CDSN: variants seen among roughly 807,000 people sequenced by gnomAD.
CDSN encodes corneodesmosin.
A neutral mutation model predicts 25.6 loss-of-function variants in CDSN; 11 were observed. That is an observed-to-expected ratio of 0.43 (90% CI 0.27 to 0.71). The LOEUF is 0.71. Ranked by LOEUF, CDSN falls within the 30% of genes least tolerant of loss-of-function variation. The pLI, the probability that CDSN is intolerant of heterozygous loss-of-function variation, is 0.20. For synonymous variants in CDSN, 266 were observed against 267.4 expected (o/e 0.99, Z 0.05); for missense variants, 598 against 670.9 (o/e 0.89, Z 1.20).
At chr6:31,118,150 A>G (rs1426957171) in intron 1 of CDSN, 1 of 153,536 alleles carries the variant, frequency 6.5e-6, no homozygotes, top group African/African-American at 2.4e-5. Flanking sequence ...TGAGAAGTGG[A>G]GACACATATA....
chr6:31,119,464 G>A (rs1189071048), intron 1 of CDSN, among the ~76,000 whole-genome samples: 1 of 152,178 alleles, frequency 6.6e-6, no homozygotes, highest in African/African-American at 2.4e-5. Flanking sequence ...GGGGTTGCCC[G>A]GCCTGGGGTT....
chr6:31,117,681 T>C, intron 1 of CDSN, 152 bp from the exon 2 acceptor site: 1 of 700,544 alleles, frequency 1.4e-6, no homozygotes, highest in Non-Finnish European at 2.5e-6. Context: ...AACTGGCTAT[T>C]GTCTCTAAAG....
chr6:31,116,205 G>A lies in CDSN; in HGVS notation c.1410C>T (p.Gly470=). 6.2e-7 allele frequency: 1 copy of A among 1,613,738 alleles called. No individual in the cohort carries two copies. The highest frequency in any genetic ancestry group is 8.5e-7 in the Non-Finnish European group (1 of 1,179,784). ...MSVSSLTLTG[G]PDGSPHPDPS... ...GATCAGGATGGGGAGAGCCATCGGG[G>A]CCCCCAGTCAGTGTCAAGGAGGAGA... The change falls in exon 2 of 2, where the codon GGC becomes GGT. Residue 470 remains glycine, a synonymous_variant. Transcript: ENST00000376288.
chr6:31,117,349 C>A lies in CDSN; in HGVS notation c.266G>T (p.Ser89Ile), dbSNP rs1343247065. ...AATGCTGGATCCGCTGGAGCTACCA[C>A]TGGAGCCACCACCAGAGCTTCTGGC... Reference protein sequence around the residue: ...SSARSSGGGSSGSSSGSSIAQ... With the variant: ...SSARSSGGGSIGSSSGSSIAQ... The change falls in exon 2 of 2, where the codon AGT (serine) becomes ATT (isoleucine). Residue 89 changes from serine (S) to isoleucine (I), a missense_variant. By Grantham distance (142) the Ser-to-Ile change is moderately radical (BLOSUM62 -2). Transcript: ENST00000376288. 6.3e-7 allele frequency: 1 copy of A among 1,578,504 alleles called. No individual in the cohort carries two copies. The highest frequency in any genetic ancestry group is 8.6e-7 in the Non-Finnish European group (1 of 1,161,858).
chr6:31,117,202 C>T lies in CDSN; in HGVS notation c.413G>A (p.Ser138Asn). ...AGAGCCGCTGTTTCCCGAGTGAGAG[C>T]TGCTGCTCCCCAGCTGGGAGGAACC... is the stretch of plus-strand genomic sequence containing the variant. Reference protein sequence around the residue: ...ASGSSQLGSSSSHSGNSGSHS... With the variant: ...ASGSSQLGSSNSHSGNSGSHS... The change falls in exon 2 of 2, where the codon AGC becomes AAC. Residue 138 changes from serine to asparagine, a missense_variant. Coordinates refer to ENST00000376288, the MANE Select transcript of CDSN (RefSeq NM_001264.5). 6.2e-7 allele frequency: 1 copy of T among 1,614,038 alleles called. No individual in the cohort carries two copies. The highest frequency in any genetic ancestry group is 8.5e-7 in the Non-Finnish European group (1 of 1,179,944).
chr6:31,118,027 G>C lies in CDSN; in HGVS notation c.86-498C>G, dbSNP rs189638635. On this transcript the variant is annotated intron_variant, in intron 1 of 1. Transcript: ENST00000376288. ...AAAGAAAGGACCCTGAAGAGACAGA[G>C]AATTGGGGAAACTGAGGCTCTGAGG... 396 of 162,602 alleles carry C rather than the reference G, an allele frequency of 2.4e-3. 3 individuals carry two copies. The highest frequency in any genetic ancestry group is 6.0e-3 in the East Asian group (34 of 5,624). 10.1% of individuals were successfully genotyped at this position (162,602 alleles called of 1,614,324 possible). A position where few individuals can be genotyped will look rare whatever the true frequency, so the allele number is the denominator to read the frequency against.
chr6:31,117,374 C>T lies in CDSN; in HGVS notation c.241G>A (p.Ala81Thr). The T allele has an allele frequency of 1.3e-6, 2 of 1,573,938 alleles. No homozygotes were observed. Among genetic ancestry groups the T allele is most frequent in the African/African-American group, 2.7e-5 (2 of 74,154 alleles). Residue 81 changes from alanine to threonine, a missense_variant, in exon 2 of 2, where the codon GCC becomes ACC. Ala to Thr is a moderately conservative substitution (Grantham distance 58). Transcript: ENST00000376288. The part of the protein sequence containing the change: ...SSSSGSSISS[A>T]RSSGGGSSGS... ...CTGGAGCCACCACCAGAGCTTCTGGCACTGGAAATGGAGCTGCCAGAACTG... is the reference window on the plus strand; with the variant it reads ...CTGGAGCCACCACCAGAGCTTCTGGTACTGGAAATGGAGCTGCCAGAACTG...
At chr6:31,118,989 C>T (rs954013118) in intron 1 of CDSN, among the ~76,000 whole-genome samples, 1 of 151,576 alleles carries the variant, frequency 6.6e-6, no homozygotes, top group Non-Finnish European at 1.5e-5. Context: ...ACCACAGGTG[C>T]CCGCCACCAC....
rs769348239 is a variant in CDSN at position 31,116,378 on chromosome 6, G to A, written c.1237C>T (p.His413Tyr). ...CTCTGGGAAGCACTGCCGCAGGGAT[G>A]GTAGGGTAAACCGGAGCTGCTGGAA... ...SISSSSGLPY[H>Y]PCGSASQSPC... is the part of the protein sequence containing the mutation. Residue 413 changes from histidine to tyrosine, a missense_variant, in exon 2 of 2, where the codon CAT (histidine) becomes TAT (tyrosine). By Grantham distance (83) the His-to-Tyr change is moderately conservative. Transcript: ENST00000376288. 1 of 1,608,326 alleles carries A rather than the reference G, an allele frequency of 6.2e-7. No individual in the cohort carries two copies. The highest frequency in any genetic ancestry group is 1.1e-5 in the South Asian group (1 of 90,400).
rs1325211965 is a variant in CDSN, at chr6:31,116,044, T to A, written c.1571A>T (p.Glu524Val). The change falls in exon 2 of 2, where the codon GAG becomes GTG. Residue 524 changes from glutamate (E) to valine (V), a missense_variant. Coordinates refer to ENST00000376288, the MANE Select transcript of CDSN (RefSeq NM_001264.5). ...GACTTCTTATGGACTGTTGAGTAAC[T>A]CTCCTTGGGGTAGGAAAACTTCAGG... ...ADPEVFLPQGELLNSP is the reference protein window; with the variant it reads ...ADPEVFLPQGVLLNSP 6.2e-7 allele frequency: 1 copy of A among 1,611,708 alleles called. No homozygotes were observed. The highest frequency in any genetic ancestry group is 8.5e-7 in the Non-Finnish European group (1 of 1,179,808).
chr6:31,118,676 C>T (rs1178294725), intron 1 of CDSN: 1 of 152,272 alleles, frequency 6.6e-6, no homozygotes, highest in African/African-American at 2.4e-5. Context: ...TCCCTAGCCC[C>T]TCCAGGTCCC....
chr6:31,115,393 T>G lies in CDSN; in HGVS notation c.*632A>C. Reference sequence around the variant, plus strand: ...GGAATCATCTGAGCACTGAGGGAAGTGGCCACAGGAAGGGGCTGAGATAAG... The same window carrying G: ...GGAATCATCTGAGCACTGAGGGAAGGGGCCACAGGAAGGGGCTGAGATAAG... On this transcript the variant is annotated 3_prime_UTR_variant, in exon 2 of 2. Coordinates refer to ENST00000376288, the MANE Select transcript of CDSN (RefSeq NM_001264.5). The surrounding 1 kb of genome is among the most constrained non-coding windows in gnomAD (Gnocchi z 4.2). The G allele has an allele frequency of 5.8e-6, 1 of 171,168 alleles. No homozygotes were observed. The highest frequency in any genetic ancestry group is 1.3e-5 in the Non-Finnish European group (1 of 79,070). 10.6% of individuals were successfully genotyped at this position (171,168 alleles called of 1,614,324 possible).
rs1772049650 is a variant in CDSN, at chr6:31,115,331, C to T, written c.*694G>A. ...TCCAGGGACAGCAGGGAGCCTGCTT[C>T]AACCTCTGAGGGTGCCCCAGTGTCT... On this transcript the variant is annotated 3_prime_UTR_variant, in exon 2 of 2. Coordinates refer to ENST00000376288, the MANE Select transcript of CDSN (RefSeq NM_001264.5). The surrounding 1 kb of genome is among the most constrained non-coding windows in gnomAD (Gnocchi z 4.2). 3 of 178,890 alleles carry T rather than the reference C, an allele frequency of 1.7e-5. No homozygotes were observed. The highest frequency in any genetic ancestry group is 4.8e-5 in the African/African-American group (2 of 41,846). 11.1% of individuals were successfully genotyped at this position (178,890 alleles called of 1,614,324 possible). A position where few individuals can be genotyped will look rare whatever the true frequency, so the allele number is the denominator to read the frequency against.
At position 31,116,969 on chromosome 6, in the gene CDSN, G is replaced by T. The variant is rs749498091; in HGVS notation, c.646C>A (p.Arg216Ser). ...SSGQSVSSNQRPCSSDIPDSP... is the reference protein window; with the variant it reads ...SSGQSVSSNQSPCSSDIPDSP... ...TCGGGGATGTCCGAACTACAGGGAC[G>T]CTGGTTGGAGCTGACGCTTTGGCCA... is the stretch of plus-strand genomic sequence containing the variant. The change falls in exon 2 of 2, where the codon CGT becomes AGT. Residue 216 changes from arginine to serine, a missense_variant. Arg to Ser is a moderately radical substitution (Grantham distance 110). Transcript: ENST00000376288. The T allele has an allele frequency of 6.2e-7, 1 of 1,614,198 alleles. No individual in the cohort carries two copies. Among genetic ancestry groups the T allele is most frequent in the Admixed American group, 1.7e-5 (1 of 60,030 alleles).
Position 31,116,804 on chromosome 6 carries a change from G to A in CDSN, c.811C>T (p.Pro271Ser). The change falls in exon 2 of 2, where the codon CCC becomes TCC. Residue 271 changes from proline to serine, a missense_variant. Pro to Ser is a moderately conservative substitution (Grantham distance 74). Coordinates refer to ENST00000376288, the MANE Select transcript of CDSN (RefSeq NM_001264.5). ...GGAAGGCCACCATTGCTACAGGGGG[G>A]ACCTTGAACCACTCCAGGGGCACCA... is the stretch of plus-strand genomic sequence containing the variant. Reference protein sequence around the residue: ...GSGAPGVVQGPPCSNGGLPGK... With the variant: ...GSGAPGVVQGSPCSNGGLPGK... The A allele has an allele frequency of 1.9e-6, 3 of 1,613,878 alleles. No homozygotes were observed. Among genetic ancestry groups the A allele is most frequent in the South Asian group, 2.2e-5 (2 of 91,086 alleles).
rs4713436 is a variant in CDSN at position 31,116,862 on chromosome 6, C to T, written c.753G>A (p.Arg251=). The T allele has an allele frequency of 0.18, 286,859 of 1,613,678 alleles. 27,955 individuals carry two copies. The highest frequency in any genetic ancestry group is 0.33 in the South Asian group (29,765 of 91,062). ...PSSHSVSGGQ[R]PVVVVVDQHG... The stretch of plus-strand genomic sequence containing the variant: ...GCTGGTCCACCACCACCACCACAGG[C>T]CTCTGACCCCCTGACACAGAGTGGG... Residue 251 remains arginine (R), a synonymous_variant, in exon 2 of 2, where the codon AGG becomes AGA. Coordinates refer to ENST00000376288, the MANE Select transcript of CDSN (RefSeq NM_001264.5).
rs1267043253 is a variant in CDSN, at chr6:31,116,887, G to A, written c.728C>T (p.Ser243Phe). ...CCTCTGACCCCCTGACACAGAGTGG[G>A]AGCTGGGGATGTAGGGGCCGGAGTG... is the stretch of plus-strand genomic sequence containing the variant. ...VSHSGPYIPS[S>F]HSVSGGQRPV... The change falls in exon 2 of 2, where the codon TCC (serine) becomes TTC (phenylalanine). Residue 243 changes from serine to phenylalanine, a missense_variant. Ser to Phe is a radical substitution (Grantham distance 155). Transcript: ENST00000376288. 3 of 1,614,052 alleles carry A rather than the reference G, an allele frequency of 1.9e-6. No individual in the cohort carries two copies. Among genetic ancestry groups the A allele is most frequent in the Non-Finnish European group, 2.5e-6 (3 of 1,179,958 alleles).
intron 1 of CDSN, among the ~76,000 whole-genome samples, chr6:31,119,622 G>A (rs991603524): frequency 1.9e-4 from 29 of 152,200 alleles, no homozygotes; most frequent in African/African-American, 6.3e-4. Context: ...ATATAGGCCG[G>A]GTGTGGTGGC....
In CDSN at chr6:31,120,406, C is replaced by T. The variant is rs747213653; in HGVS notation, c.14G>A (p.Arg5Gln). 8 of 1,588,128 alleles carry T rather than the reference C, an allele frequency of 5.0e-6. No homozygotes were observed. The highest frequency in any genetic ancestry group is 2.7e-5 in the African/African-American group (2 of 74,340). Reference sequence around the variant, plus strand: ...ACCCACACGCCCCATCCAGGGTGCCCGAGACGAGCCCATCTCGGACTGCAC... The same window carrying T: ...ACCCACACGCCCCATCCAGGGTGCCTGAGACGAGCCCATCTCGGACTGCAC... MGSSRAPWMGRVGGH... is the reference protein window; with the variant it reads MGSSQAPWMGRVGGH... The change falls in exon 1 of 2, where the codon CGG becomes CAG. Residue 5 changes from arginine to glutamine, a missense_variant. Coordinates refer to ENST00000376288, the MANE Select transcript of CDSN (RefSeq NM_001264.5).
Sources: gnomAD v4.1 joint callset for allele counts (sites outside exome capture counted in the v4.1 genomes callset) on GRCh38, gnomAD v4.1.1 for gene constraint, Gnocchi (gnomAD v3.1) non-coding constraint, MANE v1.5 for transcripts, NCBI Gene and HGNC (gene_info 2026-07-23, HGNC 2026-07-21) for gene names.